LRRC4C: variants seen among roughly 807,000 people sequenced by gnomAD.
The protein encoded by LRRC4C is leucine-rich repeat-containing protein 4C.
A neutral mutation model predicts 33.6 loss-of-function variants in LRRC4C; 5 were observed. That is an observed-to-expected ratio of 0.15 (90% CI 0.08 to 0.31). LRRC4C has a LOEUF of 0.31. Among genes scored for constraint, LRRC4C ranks in the 10% least tolerant of loss-of-function variants. The pLI is 1.00. For missense variants in LRRC4C, 560 were observed against 796.7 expected (o/e 0.70, Z 3.58); for synonymous variants, 329 against 302.0 (o/e 1.09, Z -0.93).
chr11:40,140,610 C>G (rs1857294738), intron 6 of LRRC4C, among the ~76,000 whole-genome samples, 191 bp downstream of exon 6: 3 of 152,094 alleles, frequency 2.0e-5, no homozygotes, highest in African/African-American at 7.2e-5. Context: ...GTCTTTTCTA[C>G]TATATTGCGG....
intron 3 of LRRC4C, among the ~76,000 whole-genome samples, chr11:40,582,603 G>A (rs1402780753): frequency 1.4e-5 from 2 of 146,394 alleles, no homozygotes; most frequent in Non-Finnish European, 3.0e-5. Flanking sequence ...TGCAACCTCT[G>A]CCTCCCAGGT....
intron 1 of LRRC4C, among the ~76,000 whole-genome samples, chr11:41,192,744 A>C (rs1946014628): frequency 6.6e-6 from 1 of 152,118 alleles, no homozygotes. Flanking sequence ...ATTACAGGAC[A>C]ACTTAAATCC....
intron 2 of LRRC4C, among the ~76,000 whole-genome samples, chr11:40,765,440 C>T (rs1949407011): frequency 6.6e-6 from 1 of 152,104 alleles, no homozygotes. Flanking sequence ...AACCCCTTTT[C>T]TTTATAAATT....
intron 1 of LRRC4C, among the ~76,000 whole-genome samples, chr11:40,966,867 G>T (rs921008027): frequency 6.6e-6 from 1 of 151,810 alleles, no homozygotes; most frequent in Non-Finnish European, 1.5e-5. Context: ...CACTTTTATT[G>T]CTGATGAATG....
At chr11:40,129,785 C>G (rs1322780835) in intron 6 of LRRC4C, among the ~76,000 whole-genome samples, 1 of 152,156 alleles carries the variant, frequency 6.6e-6, no homozygotes, top group African/African-American at 2.4e-5. Flanking sequence ...TCTAAAGCAA[C>G]AAGATAGAAT....
chr11:41,301,881 A>G (rs1166689048), intron 1 of LRRC4C, among the ~76,000 whole-genome samples: 1 of 152,316 alleles, frequency 6.6e-6, no homozygotes, highest in East Asian at 1.9e-4. Context: ...CATTGTTGAT[A>G]TCTTGACACT....
intron 1 of LRRC4C, among the ~76,000 whole-genome samples, chr11:41,404,171 C>T (rs992712715): frequency 4.6e-5 from 7 of 152,070 alleles, no homozygotes; most frequent in African/African-American, 1.7e-4. Context: ...ATCTTGGATG[C>T]TTGTTTGATT....
At chr11:40,508,561 C>G (rs1372074140) in intron 3 of LRRC4C, among the ~76,000 whole-genome samples, 1 of 152,158 alleles carries the variant, frequency 6.6e-6, no homozygotes, top group African/African-American at 2.4e-5. Context: ...AATAGCTTCT[C>G]ATCTTTATCC....
In LRRC4C at chr11:40,847,673, G is replaced by A. The variant is rs541068683; in HGVS notation, c.-407+85962C>T. The stretch of plus-strand genomic sequence containing the variant: ...GATGTTGGCCTCATAAAACGAGTAA[G>A]AGAGGAGTCCCTCTTTTTCCATTGT... On this transcript the variant is annotated intron_variant, in intron 2 of 6. Transcript: ENST00000528697. 4.7e-4 allele frequency among the ~76,000 whole-genome samples: 72 copies of A among 152,170 alleles called. 1 individual carries two copies. The highest frequency in any genetic ancestry group is 1.7e-3 in the African/African-American group (69 of 41,564).
chr11:40,274,946 T>G (rs960441993), intron 4 of LRRC4C, among the ~76,000 whole-genome samples: 1 of 152,170 alleles, frequency 6.6e-6, no homozygotes, highest in Non-Finnish European at 1.5e-5. Context: ...GGGGCTCTAA[T>G]GTTTATAGCT....
At chr11:40,661,109 A>C (rs1375100028) in intron 2 of LRRC4C, among the ~76,000 whole-genome samples, 1 of 152,196 alleles carries the variant, frequency 6.6e-6, no homozygotes, top group African/African-American at 2.4e-5. Flanking sequence ...ACAATATCCT[A>C]TCTGGCATCT....
chr11:40,600,908 T>C (rs1365501706), intron 3 of LRRC4C, among the ~76,000 whole-genome samples: 2 of 152,160 alleles, frequency 1.3e-5, no homozygotes, highest in African/African-American at 4.8e-5. Flanking sequence ...CATACAATGG[T>C]CATAGAAAGA....
chr11:41,373,363 C>T (rs571483425), intron 1 of LRRC4C, among the ~76,000 whole-genome samples: 30 of 152,056 alleles, frequency 2.0e-4, no homozygotes, highest in Non-Finnish European at 2.8e-4. Context: ...TTAAGATATA[C>T]GTATACATAC....
intron 3 of LRRC4C, among the ~76,000 whole-genome samples, chr11:40,469,004 T>C (rs1952790464): frequency 6.6e-6 from 1 of 152,182 alleles, no homozygotes; most frequent in African/African-American, 2.4e-5. Context: ...AATAATACAA[T>C]GTTAGGCACT....
chr11:40,578,482 G>C (rs186973911), intron 3 of LRRC4C, among the ~76,000 whole-genome samples: 10 of 151,794 alleles, frequency 6.6e-5, no homozygotes, highest in Admixed American at 5.3e-4. Context: ...ATAATTTTTA[G>C]GTCATAAGAT....
chr11:40,714,759 C>T (rs1444470877), intron 2 of LRRC4C, among the ~76,000 whole-genome samples: 1 of 152,120 alleles, frequency 6.6e-6, no homozygotes, highest in Non-Finnish European at 1.5e-5. Flanking sequence ...AATAGAGATG[C>T]CAAAACCTGA....
At chr11:40,658,484 G>T (rs1456034583) in intron 2 of LRRC4C, among the ~76,000 whole-genome samples, 1 of 152,170 alleles carries the variant, frequency 6.6e-6, no homozygotes. Flanking sequence ...TAATTGTAAA[G>T]CTACCAAAGA....
intron 1 of LRRC4C, among the ~76,000 whole-genome samples, chr11:41,011,858 G>A (rs1157026545): frequency 2.3e-5 from 1 of 43,322 alleles, no homozygotes; most frequent in African/African-American, 6.9e-5. Flanking sequence ...TATGTTACAT[G>A]TATTTTTGAG....
intron 1 of LRRC4C, among the ~76,000 whole-genome samples, chr11:40,935,152 T>C (rs140495405): frequency 9.1e-4 from 139 of 152,266 alleles, no homozygotes; most frequent in Non-Finnish European, 1.6e-3. Flanking sequence ...GCTGCACTCC[T>C]TGTTTCCCTG....
Sources: allele counts gnomAD v4.1 joint callset (sites outside exome capture counted in the v4.1 genomes callset), GRCh38; gene constraint gnomAD v4.1.1; transcripts MANE v1.5; gene names NCBI Gene and HGNC (gene_info 2026-07-23, HGNC 2026-07-21).